PTK2: variants seen among roughly 807,000 people sequenced by gnomAD.
PTK2 encodes focal adhesion kinase 1.
Under a neutral mutation model 150.1 loss-of-function variants are expected in PTK2, and 45 were observed. The observed-to-expected ratio is 0.30, with a 90% confidence interval of 0.24 to 0.38. The LOEUF (loss-of-function observed/expected upper bound fraction) is 0.38. Ranked by LOEUF, PTK2 falls within the 10% of genes least tolerant of loss-of-function variation. PTK2 has a pLI of 1.00. For missense variants in PTK2, 919 were observed against 1,307.3 expected (o/e 0.70, Z 4.58); for synonymous variants, 432 against 449.2 (o/e 0.96, Z 0.48).
At chr8:140,758,787 T>A (rs909652650) in intron 16 of PTK2, among the ~76,000 whole-genome samples, 5 of 152,224 alleles carry the variant, frequency 3.3e-5, no homozygotes, top group Admixed American at 2.0e-4. Context: ...TAGCCTATAG[T>A]AGTGTAGTCA....
intron 1 of PTK2, among the ~76,000 whole-genome samples, chr8:141,000,674 C>A (rs1175356122): frequency 6.8e-6 from 1 of 146,652 alleles, no homozygotes; most frequent in Non-Finnish European, 1.5e-5. Context: ...CGAAAGCCGC[C>A]CCCCCCTTCC....
chr8:140,970,041 AC>A (rs1403396762), intron 1 of PTK2, among the ~76,000 whole-genome samples: 1 of 152,188 alleles, frequency 6.6e-6, no homozygotes, highest in African/African-American at 2.4e-5. Flanking sequence ...TGAAACTAAG[AC>A]CTAGATAGAG....
At chr8:140,879,911 T>C (rs948879783) in intron 3 of PTK2, among the ~76,000 whole-genome samples, 1 of 152,136 alleles carries the variant, frequency 6.6e-6, no homozygotes, top group African/African-American at 2.4e-5. Context: ...CCTTTCTTTA[T>C]TAACAAGGCA....
intron 5 of PTK2, among the ~76,000 whole-genome samples, chr8:140,853,321 C>G (rs995253966): frequency 6.8e-6 from 1 of 146,676 alleles, no homozygotes; most frequent in South Asian, 2.3e-4. Flanking sequence ...CGTATATATC[C>G]TAATGCTATC....
At chr8:140,841,868 T>C (rs933385127) in intron 7 of PTK2, among the ~76,000 whole-genome samples, 4 of 152,080 alleles carry the variant, frequency 2.6e-5, no homozygotes, top group African/African-American at 7.2e-5. Flanking sequence ...ATCTGTTGCC[T>C]ATCATATAGG....
Position 140,789,522 on chromosome 8 carries a change from C to T in PTK2, c.1129G>A (p.Ala377Thr), listed in dbSNP as rs776940166. Residue 377 changes from alanine (A) to threonine (T), a missense_variant, in exon 14 of 32, where the codon GCC (alanine) becomes ACC (threonine). Around this residue, in one of 3 missense-constraint regions of PTK2, gnomAD observed 555 missense variants for 880.1 expected, o/e 0.63. Coordinates refer to ENST00000522684, the Ensembl canonical transcript of PTK2. ...CGCATGCCTTGCTTTTCGCTGTTGGCCAACCTGTGACAGACAAGAGCAAAG... is the reference window on the plus strand; with the variant it reads ...CGCATGCCTTGCTTTTCGCTGTTGGTCAACCTGTGACAGACAAGAGCAAAG... The T allele has an allele frequency of 6.2e-6, 10 of 1,612,622 alleles. No individual in the cohort carries two copies. The Admixed American group carries it at 1.5e-4, about 24-fold the overall frequency.
chr8:140,759,020 A>G (rs1054820497), intron 16 of PTK2, among the ~76,000 whole-genome samples: 10 of 152,248 alleles, frequency 6.6e-5, no homozygotes, highest in African/African-American at 2.4e-4. Context: ...GCAACAGGCT[A>G]TATTATATAG....
At chr8:140,883,568 T>C (rs1396476462) in intron 3 of PTK2, among the ~76,000 whole-genome samples, 2 of 152,224 alleles carry the variant, frequency 1.3e-5, no homozygotes, top group Admixed American at 6.5e-5. Context: ...CTCTTTCAGA[T>C]ACTCTTCAGC....
At chr8:140,667,393 C>T (rs565564870) in intron 30 of PTK2, among the ~76,000 whole-genome samples, 21 of 152,254 alleles carry the variant, frequency 1.4e-4, no homozygotes, top group African/African-American at 4.3e-4. Flanking sequence ...ACATGCCAGT[C>T]TGTACTCTTT....
At chr8:140,671,613 T>C (rs1030490338) in intron 29 of PTK2, among the ~76,000 whole-genome samples, 1 of 152,084 alleles carries the variant, frequency 6.6e-6, no homozygotes, top group African/African-American at 2.4e-5. Context: ...ATATTTCATG[T>C]TATTTAAAAA....
chr8:140,667,274 G>A (rs1027070460), intron 30 of PTK2, among the ~76,000 whole-genome samples: 1 of 152,034 alleles, frequency 6.6e-6, no homozygotes, highest in Non-Finnish European at 1.5e-5. Context: ...TATGTTACGT[G>A]TATTTTACTA....
intron 23 of PTK2, among the ~76,000 whole-genome samples, chr8:140,709,262 A>G (rs955240651): frequency 6.6e-5 from 10 of 152,238 alleles, no homozygotes; most frequent in Middle Eastern, 6.3e-3. Context: ...GGCAAAACCA[A>G]TGTAAAATAT....
chr8:141,000,126 C>CACACACACACACACA (rs1555522723), intron 1 of PTK2, among the ~76,000 whole-genome samples: 37 of 142,716 alleles, frequency 2.6e-4, no homozygotes, highest in East Asian at 6.0e-4. Context: ...CACACACACA[C>CACACACACACACACA]CCCTTCTTCT....
chr8:141,001,308 G>A (rs1307113951), upstream of PTK2: 1 of 147,214 alleles, frequency 6.8e-6, no homozygotes, highest in Non-Finnish European at 1.5e-5. Flanking sequence ...GCCCGCGCGC[G>A]TGCGCGGCAG....
At chr8:140,981,215 T>C (rs2100191303) in intron 1 of PTK2, among the ~76,000 whole-genome samples, 1 of 151,880 alleles carries the variant, frequency 6.6e-6, no homozygotes, top group African/African-American at 2.4e-5. Flanking sequence ...AGACTTTATG[T>C]CACCACCAAG....
Position 140,938,897 on chromosome 8 carries a change from A to G in PTK2, c.-121-13148T>C, listed in dbSNP as rs1317348449. On this transcript the variant is annotated intron_variant, in intron 1 of 31. Coordinates refer to ENST00000522684, the Ensembl canonical transcript of PTK2. Reference sequence around the variant, plus strand: ...GTGGTGCATGCCTGTAATGTCAACTACTCAGGAGGCTAAGGCAGGAGGATC... The same window carrying G: ...GTGGTGCATGCCTGTAATGTCAACTGCTCAGGAGGCTAAGGCAGGAGGATC... Among the ~76,000 whole-genome samples the G allele has an allele frequency of 3.3e-5, 5 of 151,962 alleles. No homozygotes were observed. The East Asian group carries it at 7.7e-4, about 23-fold the overall frequency.
chr8:140,736,176 G>A (rs1002962467), intron 21 of PTK2, among the ~76,000 whole-genome samples: 7 of 152,220 alleles, frequency 4.6e-5, no homozygotes, highest in African/African-American at 9.6e-5. Flanking sequence ...TATATGCCAC[G>A]GAATACTATG....
At chr8:140,674,962 T>C (rs2100012749) in intron 28 of PTK2, among the ~76,000 whole-genome samples, 1 of 150,000 alleles carries the variant, frequency 6.7e-6, no homozygotes, top group African/African-American at 2.5e-5. Context: ...TCCCAGCTAC[T>C]CGGGAGGCTG....
At chr8:140,732,531 C>T (rs2100050076) in intron 22 of PTK2, 2 of 525,634 alleles carry the variant, frequency 3.8e-6, no homozygotes, top group Non-Finnish European at 7.8e-6. Flanking sequence ...ATCTAGCTAG[C>T]TAGGCTACTG....
Sources: gnomAD v4.1 joint callset for allele counts (sites outside exome capture counted in the v4.1 genomes callset) on GRCh38, gnomAD v4.1.1 for gene constraint, gnomAD v4.1.1 regional missense constraint, MANE v1.5 for transcripts, NCBI Gene and HGNC (gene_info 2026-07-23, HGNC 2026-07-21) for gene names.